FHOD3: variants seen among roughly 807,000 people sequenced by gnomAD.
FHOD3 encodes the protein FH1/FH2 domain-containing protein 3.
In FHOD3, 90 loss-of-function variants were observed where a neutral mutation model predicts 173.0. That is an observed-to-expected ratio of 0.52 (90% CI 0.44 to 0.62). The LOEUF (loss-of-function observed/expected upper bound fraction) is 0.62. Among genes scored for constraint, FHOD3 ranks in the 20% least tolerant of loss-of-function variants. The pLI, the probability that FHOD3 is intolerant of heterozygous loss-of-function variation, is 0.00. For synonymous variants in FHOD3, 828 were observed against 823.0 expected (o/e 1.01, Z -0.10); for missense variants, 1,945 against 2,034.7 (o/e 0.96, Z 0.85).
intron 3 of FHOD3, among the ~76,000 whole-genome samples, chr18:36,415,669 G>A (rs987694208): frequency 1.3e-5 from 2 of 152,168 alleles, no homozygotes; most frequent in Non-Finnish European, 2.9e-5. Flanking sequence ...CAAGTCATAC[G>A]GTAAGTCATT....
At chr18:36,744,981 T>A (rs1159906773) in intron 23 of FHOD3, among the ~76,000 whole-genome samples, 1 of 152,166 alleles carries the variant, frequency 6.6e-6, no homozygotes, top group Admixed American at 6.5e-5. Context: ...AGGAACCTTC[T>A]AGAAACACTC....
intron 3 of FHOD3, among the ~76,000 whole-genome samples, chr18:36,407,970 T>C (rs1038583951): frequency 6.6e-5 from 10 of 152,152 alleles, no homozygotes; most frequent in African/African-American, 2.4e-4. Context: ...GGAGTACAGA[T>C]GTAAGGTAGA....
chr18:36,682,064 A>G (rs933907128), intron 15 of FHOD3, among the ~76,000 whole-genome samples: 7 of 152,200 alleles, frequency 4.6e-5, no homozygotes, highest in Admixed American at 3.9e-4. Flanking sequence ...CTCTCAGCCC[A>G]TTTCCCCCGA....
rs747367563 is a variant in FHOD3, at chr18:36,512,485, A to C, written c.453A>C (p.Thr151=). ...AATTTGTAGTGGCTGAAGGTCTGAC[A>C]TGTTTGATCAAGGTGGGAGCTGAGG... is the stretch of plus-strand genomic sequence containing the variant. ...VHEFVVAEGL[T]CLIKVGAEAD... Residue 151 remains threonine, a synonymous_variant, in exon 5 of 29, where the codon ACA becomes ACC. Coordinates refer to ENST00000590592, the MANE Select transcript of FHOD3 (RefSeq NM_001281740.3). 3.1e-6 allele frequency: 5 copies of C among 1,614,058 alleles called. No individual in the cohort carries two copies. The highest frequency in any genetic ancestry group is 4.2e-6 in the Non-Finnish European group (5 of 1,180,048).
At chr18:36,589,341 G>A (rs1457236586) in intron 6 of FHOD3, among the ~76,000 whole-genome samples, 1 of 152,168 alleles carries the variant, frequency 6.6e-6, no homozygotes, top group African/African-American at 2.4e-5. Flanking sequence ...TAAAGAAAAT[G>A]TAGGTAACAG....
chr18:36,582,908 T>A (rs2148127945), intron 6 of FHOD3, among the ~76,000 whole-genome samples: 1 of 152,346 alleles, frequency 6.6e-6, no homozygotes, highest in South Asian at 2.1e-4. Context: ...TCTGCGTGTC[T>A]GCGATTGATT....
chr18:36,739,332 A>ACT (rs1464470252), intron 20 of FHOD3, among the ~76,000 whole-genome samples: 1 of 152,206 alleles, frequency 6.6e-6, no homozygotes, highest in Non-Finnish European at 1.5e-5. Flanking sequence ...CTCTGGGCAC[A>ACT]CTGCCTAGGA....
chr18:36,338,171 G>A (rs2045422013), intron 1 of FHOD3, among the ~76,000 whole-genome samples: 1 of 152,206 alleles, frequency 6.6e-6, no homozygotes, highest in Non-Finnish European at 1.5e-5. Context: ...ACTAAATGAA[G>A]AAACTGCACA....
chr18:36,710,365 T>G (rs1381999050), intron 18 of FHOD3: 1 of 152,192 alleles, frequency 6.6e-6, no homozygotes, highest in East Asian at 1.9e-4. Flanking sequence ...GTCGATGTCT[T>G]AGGCCCAAAG....
intron 14 of FHOD3, among the ~76,000 whole-genome samples, chr18:36,667,616 A>G (rs1336154547): frequency 6.6e-6 from 1 of 152,142 alleles, no homozygotes; most frequent in Non-Finnish European, 1.5e-5. Flanking sequence ...TAGAAAAGGT[A>G]TGGTAAAAAT....
At chr18:36,543,332 A>T (rs898119511) in intron 5 of FHOD3, among the ~76,000 whole-genome samples, 1 of 152,108 alleles carries the variant, frequency 6.6e-6, no homozygotes, top group Non-Finnish European at 1.5e-5. Flanking sequence ...TACATTTCCT[A>T]TGGGTTCTAT....
chr18:36,423,059 T>C (rs2050066161), intron 3 of FHOD3, among the ~76,000 whole-genome samples: 1 of 151,988 alleles, frequency 6.6e-6, no homozygotes, highest in Admixed American at 6.6e-5. Flanking sequence ...GGAGCTCTGC[T>C]TCCTGGAGGT....
intron 3 of FHOD3, among the ~76,000 whole-genome samples, chr18:36,469,083 G>A (rs1025958211): frequency 6.6e-6 from 1 of 152,074 alleles, no homozygotes; most frequent in African/African-American, 2.4e-5. Flanking sequence ...CATACTTGGG[G>A]GTCTTTCCCC....
intron 14 of FHOD3, among the ~76,000 whole-genome samples, chr18:36,669,746 A>T (rs917031044): frequency 6.6e-6 from 1 of 151,982 alleles, no homozygotes; most frequent in Admixed American, 6.5e-5. Context: ...ACTCCACAAT[A>T]CATTGTTATT....
intron 5 of FHOD3, among the ~76,000 whole-genome samples, chr18:36,521,540 G>T (rs923215010): frequency 1.3e-5 from 2 of 152,032 alleles, no homozygotes; most frequent in African/African-American, 4.8e-5. Flanking sequence ...CACCAAATTA[G>T]GGCTTCTCTA....
intron 1 of FHOD3, among the ~76,000 whole-genome samples, chr18:36,308,837 T>C (rs192528259): frequency 2.0e-5 from 3 of 152,310 alleles, no homozygotes; most frequent in Admixed American, 2.0e-4. Flanking sequence ...TACATGATGA[T>C]TGCAGCAATA....
chr18:36,396,323 C>G (rs1018197610), intron 3 of FHOD3, among the ~76,000 whole-genome samples: 11 of 152,026 alleles, frequency 7.2e-5, no homozygotes, highest in African/African-American at 2.7e-4. Flanking sequence ...ATATTCTATT[C>G]CTTTGCTTTG....
chr18:36,461,457 G>A (rs2052552811), intron 3 of FHOD3, among the ~76,000 whole-genome samples: 1 of 145,038 alleles, frequency 6.9e-6, no homozygotes, highest in Non-Finnish European at 1.5e-5. Flanking sequence ...TTTTGTGTGT[G>A]TGTTTTTTTT....
chr18:36,740,512 G>C (rs1259127435), intron 20 of FHOD3, 144 bp from the exon 21 acceptor site: 38 of 836,078 alleles, frequency 4.5e-5, no homozygotes, highest in Non-Finnish European at 6.9e-5. Flanking sequence ...GTTGCTTCAA[G>C]TATATTTGGT....
Sources: gnomAD v4.1 joint callset for allele counts (sites outside exome capture counted in the v4.1 genomes callset) on GRCh38, gnomAD v4.1.1 for gene constraint, MANE v1.5 for transcripts, NCBI Gene and HGNC (gene_info 2026-07-23, HGNC 2026-07-21) for gene names.